Variants in UCK2 observed in about 807,000 individuals in gnomAD.
The protein encoded by UCK2 is cytidine monophosphokinase 2.
UCK2 carries 6 observed loss-of-function variants against 30.8 expected under a neutral mutation model. That is an observed-to-expected ratio of 0.19 (90% CI 0.11 to 0.38). The LOEUF (loss-of-function observed/expected upper bound fraction) is 0.38. Among genes scored for constraint, UCK2 ranks in the 10% least tolerant of loss-of-function variants. The pLI is 1.00. For missense variants in UCK2, 210 were observed against 339.8 expected (o/e 0.62, Z 3.00); for synonymous variants, 125 against 133.6 (o/e 0.94, Z 0.45).
intron 1 of UCK2, among the ~76,000 whole-genome samples, chr1:165,862,379 A>T (rs757110176): frequency 3.3e-5 from 5 of 152,228 alleles, no homozygotes; most frequent in African/African-American, 4.8e-5. Context: ...AGTCTGGCCC[A>T]CGCTTGATGT....
chr1:165,874,413 G>A (rs1015602010), intron 1 of UCK2, among the ~76,000 whole-genome samples: 2 of 152,182 alleles, frequency 1.3e-5, no homozygotes, highest in African/African-American at 2.4e-5. Flanking sequence ...CAGTGGCAGC[G>A]GGCTTGGCAG....
chr1:165,856,632 C>G (rs184415149), intron 1 of UCK2, among the ~76,000 whole-genome samples: 1 of 152,232 alleles, frequency 6.6e-6, no homozygotes, highest in Admixed American at 6.5e-5. Context: ...TGAATGATTT[C>G]AGTAAGTGAA....
rs1647754074 is a variant in UCK2, at chr1:165,908,629, G to A, written c.*806G>A. The A allele has an allele frequency of 6.6e-6, 1 of 152,004 alleles. No individual in the cohort carries two copies. Among genetic ancestry groups the A allele is most frequent in the South Asian group, 2.1e-4 (1 of 4,810 alleles). The allele number at this position is 152,004 out of a possible 1,614,324, so 9.4% of individuals were successfully genotyped here. ...TCTGTCTCTCCAAGAAGCCAGAGCT[G>A]CCTCTTTCCTTCCCTGGAAGAGATT... On this transcript the variant is annotated 3_prime_UTR_variant, in exon 7 of 7. Coordinates refer to ENST00000367879, the MANE Select transcript of UCK2 (RefSeq NM_012474.5).
At position 165,867,468 on chromosome 1, in the gene UCK2, T is replaced by A. The variant is rs116809050; in HGVS notation, c.100-22736T>A. ...CCCAGCAATCAAAAAATAAAAAATT[T>A]AAAAAAAATTAAAGTCAGTCCTCTT... On this transcript the variant is annotated intron_variant, in intron 1 of 6. Coordinates refer to ENST00000367879, the MANE Select transcript of UCK2 (RefSeq NM_012474.5). 9.3e-3 allele frequency among the ~76,000 whole-genome samples: 1,415 copies of A among 152,204 alleles called. 20 individuals carry two copies. The highest frequency in any genetic ancestry group is 0.031 in the African/African-American group (1,297 of 41,530).
At chr1:165,895,699 G>A in intron 3 of UCK2, 1 of 967,614 alleles carries the variant, frequency 1.0e-6, no homozygotes, top group Non-Finnish European at 1.2e-6. Flanking sequence ...TTCCCCTTCT[G>A]TCCTTTCCTC....
chr1:165,893,699 GGTAT>G (rs1328259713), intron 3 of UCK2, among the ~76,000 whole-genome samples: 1 of 152,164 alleles, frequency 6.6e-6, no homozygotes, highest in African/African-American at 2.4e-5. Context: ...TATTATGCCA[GGTAT>G]GACTCCTTGC....
At chr1:165,898,119 T>G (rs988610523) in intron 4 of UCK2, 6 of 152,168 alleles carry the variant, frequency 3.9e-5, no homozygotes, top group African/African-American at 1.4e-4. Context: ...CGGCCCTGCT[T>G]TGGTTGATCT....
At chr1:165,907,245 A>AT (rs1553201593) in intron 6 of UCK2, among the ~76,000 whole-genome samples, 1 of 152,142 alleles carries the variant, frequency 6.6e-6, no homozygotes, top group Non-Finnish European at 1.5e-5. Flanking sequence ...TCTGCATTAT[A>AT]TTTTTTGGAG....
intron 6 of UCK2, among the ~76,000 whole-genome samples, chr1:165,906,341 C>A (rs1647659430): frequency 6.6e-6 from 1 of 152,212 alleles, no homozygotes; most frequent in African/African-American, 2.4e-5. Context: ...GTAGCCCTTT[C>A]TAAAGGGAGC....
chr1:165,871,629 TTGA>T (rs1254094898), intron 1 of UCK2, among the ~76,000 whole-genome samples: 7 of 152,280 alleles, frequency 4.6e-5, no homozygotes, highest in African/African-American at 1.2e-4. Flanking sequence ...TGGTCTGCCT[TTGA>T]TGTGGTTGGG....
chr1:165,861,640 AAAAAAAAAAC>A lies in UCK2; in HGVS notation c.100-28551_100-28542del, dbSNP rs1398323320. Among the ~76,000 whole-genome samples, 648 of 126,254 alleles carry A rather than the reference AAAAAAAAAAC, an allele frequency of 5.1e-3. 2 individuals carry two copies. The highest frequency in any genetic ancestry group is 7.3e-3 in the East Asian group (29 of 3,952). The allele number at this position is 126,254 out of a possible 152,430, so 82.8% of individuals were successfully genotyped here. On this transcript the variant is annotated intron_variant, in intron 1 of 6. Coordinates refer to ENST00000367879, the MANE Select transcript of UCK2 (RefSeq NM_012474.5). ...GAGACTCCGTCTCAAAAAAAAAAAA[AAAAAAAAAAC>A]AAAAAAAAACAACAGTAAAACTCAA...
chr1:165,899,103 T>C (rs1201117282), intron 4 of UCK2, among the ~76,000 whole-genome samples: 1 of 152,134 alleles, frequency 6.6e-6, no homozygotes, highest in East Asian at 1.9e-4. Context: ...TTGAGTTAGC[T>C]CCATGATTTT....
intron 1 of UCK2, among the ~76,000 whole-genome samples, chr1:165,843,046 T>C (rs1261654567): frequency 1.3e-5 from 2 of 152,146 alleles, no homozygotes; most frequent in African/African-American, 4.8e-5. Context: ...GGAAGTGTTC[T>C]GTCAGTTGAC....
chr1:165,904,528 T>C (rs1001548016), intron 5 of UCK2, among the ~76,000 whole-genome samples: 9 of 152,264 alleles, frequency 5.9e-5, no homozygotes, highest in African/African-American at 1.9e-4. Context: ...ATATCAGTCA[T>C]ATTTAACTGT....
At chr1:165,860,242 C>G (rs1654861757) in intron 1 of UCK2, among the ~76,000 whole-genome samples, 1 of 152,162 alleles carries the variant, frequency 6.6e-6, no homozygotes, top group Non-Finnish European at 1.5e-5. Flanking sequence ...TTCTTTGTAT[C>G]CACCTTTGTC....
chr1:165,889,405 G>A (rs1057413275), intron 1 of UCK2, among the ~76,000 whole-genome samples: 4 of 152,220 alleles, frequency 2.6e-5, no homozygotes, highest in Admixed American at 1.3e-4. Context: ...AGGCCCTGTA[G>A]CCCCTCAGCA....
intron 1 of UCK2, among the ~76,000 whole-genome samples, chr1:165,877,221 TA>T (rs1655358267): frequency 6.6e-6 from 1 of 152,208 alleles, no homozygotes; most frequent in Non-Finnish European, 1.5e-5. Flanking sequence ...ACCTCTGGGA[TA>T]AATAAAAAGA....
At chr1:165,878,146 C>T (rs745470011) in intron 1 of UCK2, among the ~76,000 whole-genome samples, 3 of 152,206 alleles carry the variant, frequency 2.0e-5, no homozygotes, top group Non-Finnish European at 4.4e-5. Context: ...TCATCCCTGC[C>T]TTTCCCCTAA....
intron 1 of UCK2, among the ~76,000 whole-genome samples, chr1:165,864,674 A>G (rs991210857): frequency 1.3e-5 from 2 of 152,068 alleles, no homozygotes; most frequent in Admixed American, 6.6e-5. Flanking sequence ...TTTTAGTTTT[A>G]TTTATTTTAA....
Sources: allele counts gnomAD v4.1 joint callset (sites outside exome capture counted in the v4.1 genomes callset), GRCh38; gene constraint gnomAD v4.1.1; transcripts MANE v1.5; gene names NCBI Gene and HGNC (gene_info 2026-07-23, HGNC 2026-07-21).